EXOC6: variants seen among roughly 807,000 people sequenced by gnomAD.
The protein encoded by EXOC6 is SEC15-like 1.
Under a neutral mutation model 112.5 loss-of-function variants are expected in EXOC6, and 60 were observed. The observed-to-expected ratio is 0.53, with a 90% CI of 0.43 to 0.66. EXOC6 has a LOEUF of 0.66. Among genes scored for constraint, EXOC6 ranks in the 30% least tolerant of loss-of-function variants. The probability of loss-of-function intolerance (pLI) is 0.00; values close to 1 mark genes in which losing one functional copy is unlikely to be tolerated. For missense variants in EXOC6, 855 were observed against 957.1 expected, an observed-to-expected ratio of 0.89 and a Z score of 1.41; for synonymous variants, 295 against 308.0, an observed-to-expected ratio of 0.96 and a Z score of 0.44.
chr10:92,887,777 T>A (rs529025614), intron 1 of EXOC6, among the ~76,000 whole-genome samples: 1 of 152,364 alleles, frequency 6.6e-6, no homozygotes, highest in Non-Finnish European at 1.5e-5. Context: ...GACATAGATC[T>A]AGGAACTTTC....
intron 20 of EXOC6, among the ~76,000 whole-genome samples, chr10:93,050,758 T>TTAAAAAAAAAAA: frequency 1.2e-3 from 1 of 856 alleles, no homozygotes; most frequent in Non-Finnish European, 2.3e-3. Flanking sequence ...AGACTCCGTC[T>TTAAAAAAAAAAA]CAAAAAAAAA....
rs141840420 is a variant in EXOC6, at chr10:92,913,470, T to G, written c.664-2288T>G. 3.2e-3 allele frequency among the ~76,000 whole-genome samples: 484 copies of G among 152,354 alleles called. 7 individuals are homozygous for G. Among genetic ancestry groups the G allele is most frequent in the African/African-American group, 0.011 (457 of 41,588 alleles). ...AAGTCCAAGTTCCTCAGTCTCATCT[T>G]GATACTTGTCTCCCTTCTATGCTCT... On this transcript the variant is annotated intron_variant, in intron 6 of 21. Transcript: ENST00000260762.
chr10:92,883,774 A>C (rs75784302), intron 1 of EXOC6, among the ~76,000 whole-genome samples: 3,355 of 152,350 alleles, frequency 0.022, 56 homozygotes, highest in African/African-American at 0.041. Context: ...CTGGCAGAAA[A>C]TAGGTTAGTG....
intron 8 of EXOC6, among the ~76,000 whole-genome samples, chr10:92,924,405 G>C (rs190203975): frequency 6.6e-6 from 1 of 152,236 alleles, no homozygotes; most frequent in Admixed American, 6.5e-5. Context: ...AAAATTTTAA[G>C]TTACACTGGC....
intron 1 of EXOC6, among the ~76,000 whole-genome samples, chr10:92,877,607 CA>C (rs1158179463): frequency 6.6e-6 from 1 of 152,052 alleles, no homozygotes; most frequent in Non-Finnish European, 1.5e-5. Context: ...TTGCCTTTTT[CA>C]ACTTCATGTT....
chr10:93,016,342 T>C (rs929270259), intron 20 of EXOC6, among the ~76,000 whole-genome samples: 6 of 151,926 alleles, frequency 3.9e-5, no homozygotes, highest in South Asian at 2.1e-4. Flanking sequence ...GGTTTTCCCA[T>C]GTTCACCAGG....
chr10:92,907,380 A>G (rs1466149954), intron 5 of EXOC6, among the ~76,000 whole-genome samples: 1 of 152,074 alleles, frequency 6.6e-6, no homozygotes, highest in African/African-American at 2.4e-5. Flanking sequence ...TTAACTCTCT[A>G]CATTTCTGGG....
At chr10:93,043,970 A>C (rs558212540) in intron 20 of EXOC6, among the ~76,000 whole-genome samples, 1 of 152,356 alleles carries the variant, frequency 6.6e-6, no homozygotes, top group Admixed American at 6.5e-5. Flanking sequence ...TGCACTGGTC[A>C]GAATGTTACA....
intron 19 of EXOC6, among the ~76,000 whole-genome samples, chr10:93,001,807 A>G (rs1042790871): frequency 6.6e-6 from 1 of 152,186 alleles, no homozygotes; most frequent in Non-Finnish European, 1.5e-5. Flanking sequence ...AGTTACATGA[A>G]AACAGCTCTT....
intron 1 of EXOC6, among the ~76,000 whole-genome samples, chr10:92,848,963 A>T (rs1313386324): frequency 2.0e-5 from 3 of 152,042 alleles, no homozygotes; most frequent in Non-Finnish European, 4.4e-5. Context: ...GGGCCCGAGG[A>T]CACTTCTGGG....
chr10:92,887,390 A>AT (rs11304638), intron 1 of EXOC6, among the ~76,000 whole-genome samples: 896 of 83,692 alleles, frequency 0.011, no homozygotes, highest in Middle Eastern at 0.023. Flanking sequence ...GATTAATTTA[A>AT]TTTTTTTTTT....
chr10:92,940,853 A>G, intron 13 of EXOC6, 29 bp downstream of exon 13: 1 of 1,376,536 alleles, frequency 7.3e-7, no homozygotes, highest in Non-Finnish European at 1.0e-6. Flanking sequence ...GCCTTAATAT[A>G]ATGAATATGT....
intron 2 of EXOC6, among the ~76,000 whole-genome samples, chr10:92,894,444 C>T (rs1190262004): frequency 6.6e-6 from 1 of 152,098 alleles, no homozygotes; most frequent in Non-Finnish European, 1.5e-5. Flanking sequence ...TTCCTACAGA[C>T]AATGAATGGC....
intron 14 of EXOC6, 78 bp downstream of exon 14, chr10:92,948,457 A>G: frequency 1.2e-6 from 1 of 825,154 alleles, no homozygotes; most frequent in Non-Finnish European, 1.8e-6. Flanking sequence ...ATTAAATATT[A>G]AGCTGAGACT....
chr10:92,933,408 A>G (rs1447929275), intron 9 of EXOC6, among the ~76,000 whole-genome samples: 1 of 152,198 alleles, frequency 6.6e-6, no homozygotes. Context: ...ATTTGACTAC[A>G]TACTATGCTA....
At chr10:92,935,442 T>G (rs1852286964) in intron 11 of EXOC6, among the ~76,000 whole-genome samples, 1 of 152,104 alleles carries the variant, frequency 6.6e-6, no homozygotes, top group Non-Finnish European at 1.5e-5. Flanking sequence ...AAGAAAATAA[T>G]GAAATTGTAA....
chr10:92,838,832 T>G (rs1286645640), intron 1 of EXOC6, among the ~76,000 whole-genome samples: 1 of 152,172 alleles, frequency 6.6e-6, no homozygotes, highest in Non-Finnish European at 1.5e-5. Flanking sequence ...CCCAGCACTT[T>G]GGGAGGCTAA....
At chr10:92,894,181 G>A (rs1410098695) in intron 2 of EXOC6, among the ~76,000 whole-genome samples, 2 of 152,174 alleles carry the variant, frequency 1.3e-5, no homozygotes, top group Non-Finnish European at 2.9e-5. Context: ...ACTAACTACA[G>A]CATCAATGAG....
At chr10:92,940,703 CT>C (rs201561143) in intron 12 of EXOC6, 23 bp from the exon 13 acceptor site, 161,443 of 1,160,990 alleles carry the variant, frequency 0.14, 15 homozygotes, top group Non-Finnish European at 0.15. Context: ...TGTTTATCTG[CT>C]TTTTTTTTTT....
Sources: gnomAD v4.1 joint callset for allele counts (sites outside exome capture counted in the v4.1 genomes callset) on GRCh38, gnomAD v4.1.1 for gene constraint, MANE v1.5 for transcripts, NCBI Gene and HGNC (gene_info 2026-07-23, HGNC 2026-07-21) for gene names.